The following PAX2 variants were observed in gnomAD, a reference collection of about 807,000 sequenced individuals.
The protein encoded by PAX2 is paired box 2.
Under a neutral mutation model 41.7 loss-of-function variants are expected in PAX2, and 9 were observed. That is an observed-to-expected ratio of 0.22 (90% CI 0.13 to 0.38). The LOEUF is 0.38. PAX2 is among the 10% of genes least tolerant of loss of function. The pLI, the probability that PAX2 is intolerant of heterozygous loss-of-function variation, is 1.00. For synonymous variants in PAX2, 221 were observed against 212.7 expected (o/e 1.04, Z -0.34); for missense variants, 418 against 531.6 (o/e 0.79, Z 2.10).
chr10:100,819,844 G>A (rs1051552448), intron 7 of PAX2, among the ~76,000 whole-genome samples: 1 of 152,216 alleles, frequency 6.6e-6, no homozygotes, highest in African/African-American at 2.4e-5. Context: ...TGTAAGGGGA[G>A]CTGCACTTAG....
At chr10:100,816,694 C>T (rs1848196801) in intron 7 of PAX2, among the ~76,000 whole-genome samples, 1 of 152,170 alleles carries the variant, frequency 6.6e-6, no homozygotes, top group Admixed American at 6.5e-5. Context: ...AGCCTCAGGA[C>T]AAACAAGCTA....
chr10:100,806,664 C>A, intron 6 of PAX2, 59 bp downstream of exon 6: 2 of 1,492,936 alleles, frequency 1.3e-6, no homozygotes, highest in Non-Finnish European at 1.9e-6. Flanking sequence ...CAAGGCCTCT[C>A]AAAAACTTGT....
intron 3 of PAX2, among the ~76,000 whole-genome samples, chr10:100,758,204 G>A (rs1316210929): frequency 1.0e-4 from 15 of 149,044 alleles, no homozygotes; most frequent in Admixed American, 9.4e-4. Context: ...GCAATGGCAC[G>A]ATCTCAGCTC....
rs1290871943 is a variant in PAX2, at chr10:100,826,051, C to A, written c.1022-958C>A. ...CGAGGGGGGAGTCGTTAAACAGAAT[C>A]TAGTGCTGATGAGGAAATTACACTT... On this transcript the variant is annotated intron_variant, in intron 8 of 9. Coordinates refer to ENST00000355243, the MANE Select transcript of PAX2 (RefSeq NM_000278.5). The surrounding 1 kb of genome is among the most constrained non-coding windows in gnomAD (Gnocchi z 5.5). Among the ~76,000 whole-genome samples the A allele has an allele frequency of 6.6e-6, 1 of 151,946 alleles. No homozygotes were observed. The highest frequency in any genetic ancestry group is 1.5e-5 in the Non-Finnish European group (1 of 67,984).
rs565793097 is a variant in PAX2, at chr10:100,827,431, C to A, written c.1109-112C>A. The A allele has an allele frequency of 8.9e-5, 99 of 1,115,012 alleles. No homozygotes were observed. The East Asian group carries it at 2.3e-3, about 26-fold the overall frequency. 69.1% of individuals were successfully genotyped at this position (1,115,012 alleles called of 1,614,324 possible). A position where few individuals can be genotyped will look rare whatever the true frequency, so the allele number is the denominator to read the frequency against. On this transcript the variant is annotated intron_variant, in intron 9 of 9. Transcript: ENST00000355243. The surrounding 1 kb of genome is among the most constrained non-coding windows in gnomAD (Gnocchi z 8.5). ...ACTGCCCAGCCAAGGTCTCCCAGTC[C>A]GGATCCCGCTGGACCCCAGCCAGGG...
chr10:100,758,391 C>T lies in PAX2; in HGVS notation c.410+7500C>T, dbSNP rs184381524. On this transcript the variant is annotated intron_variant, in intron 3 of 9. Transcript: ENST00000355243. ...TCCTGACCTCGTGATCCGCCCGCCT[C>T]GGCCTCCCAGATTGCTGGGATTACA... Among the ~76,000 whole-genome samples the T allele has an allele frequency of 5.2e-3, 795 of 152,166 alleles. 12 individuals are homozygous for T. Among genetic ancestry groups the T allele is most frequent in the African/African-American group, 0.018 (763 of 41,508 alleles).
intron 3 of PAX2, among the ~76,000 whole-genome samples, chr10:100,774,211 G>T (rs1846308569): frequency 1.3e-5 from 2 of 152,160 alleles, no homozygotes; most frequent in African/African-American, 4.8e-5. Context: ...TTTCATGCAG[G>T]GCTTTCATTC....
intron 3 of PAX2, among the ~76,000 whole-genome samples, chr10:100,754,977 C>T (rs1845579209): frequency 1.3e-5 from 2 of 152,204 alleles, no homozygotes; most frequent in African/African-American, 4.8e-5. Context: ...GAAACAAGGA[C>T]AGGGAACTCA....
At chr10:100,754,942 G>A (rs570406605) in intron 3 of PAX2, among the ~76,000 whole-genome samples, 27 of 152,270 alleles carry the variant, frequency 1.8e-4, no homozygotes, top group African/African-American at 5.8e-4. Flanking sequence ...TTCAGAAAAA[G>A]ACTTCTATCC....
At position 100,791,914 on chromosome 10, in the gene PAX2, C is replaced by T. The variant is rs942259051; in HGVS notation, c.616+10549C>T. Among the ~76,000 whole-genome samples the T allele has an allele frequency of 1.3e-5, 2 of 152,238 alleles. No individual in the cohort carries two copies. The highest frequency in any genetic ancestry group is 1.9e-4 in the East Asian group (1 of 5,164). The stretch of plus-strand genomic sequence containing the variant: ...CCTGGGGCAGCCAGCTTGTAGGAGC[C>T]GCCTGGGTGAGGGACAGTGTGGGTG... On this transcript the variant is annotated intron_variant, in intron 5 of 9. Coordinates refer to ENST00000355243, the MANE Select transcript of PAX2 (RefSeq NM_000278.5). The surrounding 1 kb of genome is among the most constrained non-coding windows in gnomAD (Gnocchi z 4.5).
intron 7 of PAX2, among the ~76,000 whole-genome samples, chr10:100,818,733 G>C (rs1246121251): frequency 6.6e-6 from 1 of 152,190 alleles, no homozygotes; most frequent in Non-Finnish European, 1.5e-5. Context: ...GAAGTGACAA[G>C]ATGTTCTGTT....
At position 100,749,731 on chromosome 10, in the gene PAX2, C is replaced by T. The variant is rs1301118738; in HGVS notation, c.44-15C>T. ...TGTGTGTGGGGTGTTGTGTTTTTTTCTTGTCTCTCCCCAGCAGGGCACGGG... is the reference window on the plus strand; with the variant it reads ...TGTGTGTGGGGTGTTGTGTTTTTTTTTTGTCTCTCCCCAGCAGGGCACGGG... On this transcript the variant is annotated splice_polypyrimidine_tract_variant and intron_variant, in intron 1 of 9. Transcript: ENST00000355243. The T allele has an allele frequency of 6.2e-7, 1 of 1,604,514 alleles. No individual in the cohort carries two copies. Among genetic ancestry groups the T allele is most frequent in the East Asian group, 2.2e-5 (1 of 44,666 alleles).
intron 3 of PAX2, among the ~76,000 whole-genome samples, chr10:100,758,560 G>A (rs1052681211): frequency 1.3e-5 from 2 of 152,240 alleles, no homozygotes; most frequent in African/African-American, 2.4e-5. Context: ...ATGCGCTGTG[G>A]CTGCAGGAGT....
At chr10:100,775,336 T>C (rs1304924644) in intron 3 of PAX2, among the ~76,000 whole-genome samples, 4 of 152,056 alleles carry the variant, frequency 2.6e-5, no homozygotes, top group Non-Finnish European at 5.9e-5. Flanking sequence ...TTGCCATGAG[T>C]TGTTGGGTTG....
At chr10:100,744,982 C>T (rs895950531), upstream of PAX2, among the ~76,000 whole-genome samples, 4 of 151,962 alleles carry the variant, frequency 2.6e-5, no homozygotes, top group East Asian at 2.0e-4. Context: ...GAGGGAAAGG[C>T]CAAAGGGAAG....
rs932964128 is a variant in PAX2, at chr10:100,747,337, T to C, written c.43+1034T>C. On this transcript the variant is annotated intron_variant, in intron 1 of 9. Transcript: ENST00000355243. ...GAAATCCAAACACGGGAAAGGAAAT[T>C]AAAGAAAGAAAGTTGACATGATGTT... is the stretch of plus-strand genomic sequence containing the variant. The C allele has an allele frequency of 2.0e-5, 3 of 151,308 alleles. No homozygotes were observed. The East Asian group carries it at 5.8e-4, about 29-fold the overall frequency. The allele number at this position is 151,308 out of a possible 1,614,324, so 9.4% of individuals were successfully genotyped here.
chr10:100,773,097 C>T (rs1846269094), intron 3 of PAX2, among the ~76,000 whole-genome samples: 2 of 152,190 alleles, frequency 1.3e-5, no homozygotes, highest in Admixed American at 6.5e-5. Flanking sequence ...GGATTAGTCC[C>T]TGGGATTAGT....
At chr10:100,797,000 G>A (rs1284025542) in intron 5 of PAX2, among the ~76,000 whole-genome samples, 3 of 152,204 alleles carry the variant, frequency 2.0e-5, no homozygotes, top group Admixed American at 2.0e-4. Flanking sequence ...TGTAGAACAT[G>A]AGTGACACTG....
At chr10:100,766,266 C>A (rs1320548963) in intron 3 of PAX2, among the ~76,000 whole-genome samples, 2 of 152,208 alleles carry the variant, frequency 1.3e-5, no homozygotes, top group Non-Finnish European at 2.9e-5. Context: ...CTCTTACAAG[C>A]TCAAAACAGG....
Sources: allele counts gnomAD v4.1 joint callset (sites outside exome capture counted in the v4.1 genomes callset), GRCh38; gene constraint gnomAD v4.1.1; non-coding constraint Gnocchi (gnomAD v3.1); transcripts MANE v1.5; gene names NCBI Gene and HGNC (gene_info 2026-07-23, HGNC 2026-07-21).